The following NEDD4L variants were observed in gnomAD, a reference collection of about 807,000 sequenced individuals.
NEDD4L encodes E3 ubiquitin-protein ligase NEDD4-like.
Under a neutral mutation model 148.9 loss-of-function variants are expected in NEDD4L, and 54 were observed. The ratio of observed to expected loss-of-function variants is 0.36; its 90% CI spans 0.29 to 0.45. NEDD4L has a LOEUF of 0.45. Ranked by LOEUF, NEDD4L falls within the 20% of genes least tolerant of loss-of-function variation. The probability of loss-of-function intolerance (pLI) is 1.00; values close to 1 mark genes in which losing one functional copy is unlikely to be tolerated. For missense variants in NEDD4L, 856 were observed against 1,233.8 expected, an observed-to-expected ratio of 0.69 and a Z score of 4.59; for synonymous variants, 433 against 440.7, an observed-to-expected ratio of 0.98 and a Z score of 0.22.
chr18:58,072,071 C>G (rs770652129), intron 1 of NEDD4L, among the ~76,000 whole-genome samples: 2 of 152,092 alleles, frequency 1.3e-5, no homozygotes, highest in South Asian at 2.1e-4. Context: ...ATGGCCATAA[C>G]TGACTAAAGA....
chr18:58,225,132 G>T (rs553478685), intron 2 of NEDD4L, among the ~76,000 whole-genome samples: 1 of 152,256 alleles, frequency 6.6e-6, no homozygotes, highest in Admixed American at 6.5e-5. Flanking sequence ...AGAGAGAAAG[G>T]GGTATTGGGG....
intron 5 of NEDD4L, among the ~76,000 whole-genome samples, chr18:58,294,683 T>C (rs1600819282): frequency 6.6e-6 from 1 of 150,822 alleles, no homozygotes; most frequent in African/African-American, 2.4e-5. Flanking sequence ...GTTTTTGTCT[T>C]TTTTTTTTAA....
intron 2 of NEDD4L, among the ~76,000 whole-genome samples, chr18:58,167,720 A>G (rs1340237280): frequency 6.6e-6 from 1 of 152,300 alleles, no homozygotes; most frequent in East Asian, 1.9e-4. Context: ...CAAGGGAAAA[A>G]AAAACAAAAA....
intron 4 of NEDD4L, 55 bp downstream of exon 4, chr18:58,248,992 C>A: frequency 2.4e-6 from 2 of 816,994 alleles, no homozygotes; most frequent in South Asian, 2.0e-5. Flanking sequence ...GGTCGATTAT[C>A]ACAGTCAATT....
At chr18:58,328,073 T>C (rs777839575) in intron 9 of NEDD4L, among the ~76,000 whole-genome samples, 4 of 152,114 alleles carry the variant, frequency 2.6e-5, no homozygotes, top group Non-Finnish European at 4.4e-5. Context: ...CAAGTGATTC[T>C]CCTGCCTCAG....
chr18:58,235,487 T>G (rs373657302), intron 2 of NEDD4L, among the ~76,000 whole-genome samples: 2 of 152,320 alleles, frequency 1.3e-5, no homozygotes, highest in Admixed American at 6.5e-5. Context: ...GGAACCAATG[T>G]CTGCCAGAAT....
intron 1 of NEDD4L, among the ~76,000 whole-genome samples, chr18:58,079,237 A>C (rs1312578193): frequency 6.6e-6 from 1 of 152,086 alleles, no homozygotes; most frequent in Non-Finnish European, 1.5e-5. Context: ...TCATTTTTTC[A>C]TATCTAAAAT....
At chr18:58,108,960 T>C (rs2085247245) in intron 1 of NEDD4L, among the ~76,000 whole-genome samples, 1 of 152,248 alleles carries the variant, frequency 6.6e-6, no homozygotes, top group Non-Finnish European at 1.5e-5. Context: ...GTCTTTCCCA[T>C]GATAGGCACT....
At chr18:58,214,105 A>T (rs2042885755) in intron 2 of NEDD4L, among the ~76,000 whole-genome samples, 1 of 152,208 alleles carries the variant, frequency 6.6e-6, no homozygotes, top group African/African-American at 2.4e-5. Context: ...GGCCTACATG[A>T]AGTGCAAGGT....
chr18:58,383,559 C>T (rs1846396986), intron 25 of NEDD4L, among the ~76,000 whole-genome samples: 2 of 152,104 alleles, frequency 1.3e-5, no homozygotes, highest in Admixed American at 1.3e-4. Context: ...GAGAAAAGGT[C>T]TATATTATTG....
intron 6 of NEDD4L, among the ~76,000 whole-genome samples, chr18:58,317,743 G>C (rs2058420011): frequency 6.6e-6 from 1 of 152,206 alleles, no homozygotes; most frequent in Admixed American, 6.5e-5. Context: ...GCGGTGCAGA[G>C]GCACAGGGCA....
intron 5 of NEDD4L, among the ~76,000 whole-genome samples, chr18:58,290,477 G>A (rs1283183283): frequency 6.7e-6 from 1 of 148,416 alleles, no homozygotes; most frequent in Non-Finnish European, 1.5e-5. Flanking sequence ...AAAGCTTGGA[G>A]GTTACTCCGA....
chr18:58,306,180 T>G (rs1302148744), intron 5 of NEDD4L, among the ~76,000 whole-genome samples: 2 of 152,098 alleles, frequency 1.3e-5, no homozygotes, highest in Non-Finnish European at 2.9e-5. Context: ...TAGAAAATGA[T>G]TTCTCTAGAA....
chr18:58,135,513 C>T (rs555701599), intron 1 of NEDD4L, among the ~76,000 whole-genome samples: 3 of 152,168 alleles, frequency 2.0e-5, no homozygotes, highest in Admixed American at 6.5e-5. Context: ...GTCACCTGAC[C>T]GTGTATGGAG....
At chr18:58,312,564 C>A (rs1296896705) in intron 5 of NEDD4L, among the ~76,000 whole-genome samples, 1 of 152,210 alleles carries the variant, frequency 6.6e-6, no homozygotes, top group Non-Finnish European at 1.5e-5. Flanking sequence ...TTCCTCTTAC[C>A]ATCAAACAGA....
At chr18:58,224,438 G>A (rs1490362001) in intron 2 of NEDD4L, among the ~76,000 whole-genome samples, 1 of 152,194 alleles carries the variant, frequency 6.6e-6, no homozygotes, top group Non-Finnish European at 1.5e-5. Context: ...ACACTGGAAG[G>A]AAGTCTCTAA....
intron 1 of NEDD4L, among the ~76,000 whole-genome samples, chr18:58,114,855 G>A (rs2085681123): frequency 6.6e-6 from 1 of 152,164 alleles, no homozygotes; most frequent in Non-Finnish European, 1.5e-5. Flanking sequence ...GCATCTCTGT[G>A]GCCATTCCCA....
chr18:58,071,317 T>TA (rs1183357197), intron 1 of NEDD4L, among the ~76,000 whole-genome samples: 2 of 151,712 alleles, frequency 1.3e-5, no homozygotes, highest in East Asian at 1.9e-4. Flanking sequence ...CTCTGCCTCT[T>TA]AAAAAAAATA....
At chr18:58,299,645 G>T (rs1281991456) in intron 5 of NEDD4L, among the ~76,000 whole-genome samples, 2 of 152,156 alleles carry the variant, frequency 1.3e-5, no homozygotes, top group African/African-American at 2.4e-5. Context: ...GATAGGTCCT[G>T]TAACAGATAT....
Sources: allele counts gnomAD v4.1 joint callset (sites outside exome capture counted in the v4.1 genomes callset), GRCh38; gene constraint gnomAD v4.1.1; transcripts MANE v1.5; gene names NCBI Gene and HGNC (gene_info 2026-07-23, HGNC 2026-07-21).